The following GATAD2B variants were observed in gnomAD, a reference collection of about 807,000 sequenced individuals.
GATAD2B encodes GATA zinc finger domain containing 2B, also known as transcriptional repressor p66-beta.
GATAD2B carries 8 observed loss-of-function variants against 64.3 expected under a neutral mutation model. The observed-to-expected ratio is 0.12, with a 90% CI of 0.07 to 0.22. GATAD2B has a LOEUF of 0.22. Among genes scored for constraint, GATAD2B ranks in the 10% least tolerant of loss-of-function variants. The probability of loss-of-function intolerance (pLI) is 1.00; values close to 1 mark genes in which losing one functional copy is unlikely to be tolerated. For synonymous variants in GATAD2B, 281 were observed against 271.3 expected (o/e 1.04, Z -0.35); for missense variants, 453 against 752.0 (o/e 0.60, Z 4.65).
chr1:153,819,443 T>A (rs1389226125), intron 3 of GATAD2B, among the ~76,000 whole-genome samples, 163 bp downstream of exon 3: 1 of 152,244 alleles, frequency 6.6e-6, no homozygotes, highest in Non-Finnish European at 1.5e-5. Context: ...CTTCTAATAG[T>A]TCCTTTTGAA....
At chr1:153,863,292 C>CAA (rs1676375276) in intron 1 of GATAD2B, among the ~76,000 whole-genome samples, 1 of 151,902 alleles carries the variant, frequency 6.6e-6, no homozygotes, top group Non-Finnish European at 1.5e-5. Context: ...ACCAGCCTGG[C>CAA]AAAATGGTCT....
At chr1:153,843,154 A>C (rs1489303978) in intron 1 of GATAD2B, among the ~76,000 whole-genome samples, 3 of 146,588 alleles carry the variant, frequency 2.0e-5, no homozygotes, top group African/African-American at 7.6e-5. Flanking sequence ...TTTTTTTAAG[A>C]GACAGTATCT....
At chr1:153,835,643 A>G (rs765272323) in intron 1 of GATAD2B, among the ~76,000 whole-genome samples, 4 of 152,162 alleles carry the variant, frequency 2.6e-5, no homozygotes, top group Non-Finnish European at 5.9e-5. Context: ...TTTATTTAAG[A>G]TGTATTCATT....
Position 153,818,782 on chromosome 1 carries a change from G to A in GATAD2B, c.597+9C>T. The A allele has an allele frequency of 1.9e-6, 3 of 1,612,240 alleles. No individual in the cohort carries two copies. In the South Asian group the frequency reaches 3.3e-5, roughly 18 times the overall value. On this transcript the variant is annotated intron_variant, in intron 4 of 10. Coordinates refer to ENST00000368655, the MANE Select transcript of GATAD2B (RefSeq NM_020699.4). ...TTTCCCTTAGTCCCTTATTTCTAGG[G>A]CACATTACCTTCTGGACCACATTCT...
At chr1:153,865,803 C>T (rs907636508) in intron 1 of GATAD2B, among the ~76,000 whole-genome samples, 6 of 152,168 alleles carry the variant, frequency 3.9e-5, no homozygotes, top group Admixed American at 6.5e-5. Flanking sequence ...GTGGACATGA[C>T]AGGGAAAGAG....
chr1:153,843,436 T>C (rs1675567638), intron 1 of GATAD2B, among the ~76,000 whole-genome samples: 1 of 149,910 alleles, frequency 6.7e-6, no homozygotes, highest in Non-Finnish European at 1.5e-5. Flanking sequence ...AAGCGACATT[T>C]ACAAAAAAAA....
chr1:153,820,098 C>CA (rs201426841), intron 2 of GATAD2B, among the ~76,000 whole-genome samples: 3,566 of 62,970 alleles, frequency 0.057, 103 homozygotes, highest in Middle Eastern at 0.17. Flanking sequence ...GTTCCCGTCT[C>CA]AAAAAAAAAA....
At chr1:153,827,090 C>T (rs1301894080) in intron 2 of GATAD2B, among the ~76,000 whole-genome samples, 15 of 143,966 alleles carry the variant, frequency 1.0e-4, no homozygotes, top group Admixed American at 9.9e-4. Context: ...TATAAAAATA[C>T]AAAAATTAGA....
chr1:153,816,621 T>A lies in GATAD2B; in HGVS notation c.901-33A>T. 1 of 1,484,558 alleles carries A rather than the reference T, an allele frequency of 6.7e-7. No homozygotes were observed. Among genetic ancestry groups the A allele is most frequent in the Non-Finnish European group, 9.3e-7 (1 of 1,070,080 alleles). The allele number at this position is 1,484,558 out of a possible 1,614,324, so 92.0% of individuals were successfully genotyped here. A position where few individuals can be genotyped will look rare whatever the true frequency, so the allele number is the denominator to read the frequency against. On this transcript the variant is annotated intron_variant, in intron 6 of 10. Transcript: ENST00000368655. This position sits in a 1 kb window ranked among gnomAD's most constrained non-coding sequence, Gnocchi z 4.9. ...AGATTGAGAATGCGGTCAATCATGG[T>A]ATGCAGGAGAAAGGGCCAATTCTTA...
intron 7 of GATAD2B, among the ~76,000 whole-genome samples, chr1:153,814,912 G>A (rs980180717): frequency 9.3e-5 from 14 of 151,092 alleles, no homozygotes; most frequent in African/African-American, 3.2e-4. Flanking sequence ...GGAGGTGGAG[G>A]TTGCAGTGAG....
At chr1:153,835,026 T>C (rs1463424635) in intron 1 of GATAD2B, among the ~76,000 whole-genome samples, 1 of 151,788 alleles carries the variant, frequency 6.6e-6, no homozygotes, top group East Asian at 1.9e-4. Flanking sequence ...GGTGAGGGGA[T>C]CGCATGAGCC....
At chr1:153,895,530 C>T (rs999574054) in intron 1 of GATAD2B, among the ~76,000 whole-genome samples, 8 of 148,302 alleles carry the variant, frequency 5.4e-5, no homozygotes, top group African/African-American at 1.2e-4. Flanking sequence ...CAGTGAGCCA[C>T]GATCGTGCCA....
intron 1 of GATAD2B, among the ~76,000 whole-genome samples, chr1:153,871,768 G>A (rs915381378): frequency 2.0e-5 from 3 of 152,012 alleles, no homozygotes; most frequent in Admixed American, 2.0e-4. Context: ...ACCGTGCCCA[G>A]CCTGAATTGT....
At chr1:153,920,163 A>G (rs1678386324) in intron 1 of GATAD2B, among the ~76,000 whole-genome samples, 2 of 152,238 alleles carry the variant, frequency 1.3e-5, no homozygotes, top group African/African-American at 4.8e-5. Flanking sequence ...GAAAGGAAGA[A>G]GAATCAGTAA....
chr1:153,881,178 T>C (rs1677000582), intron 1 of GATAD2B, among the ~76,000 whole-genome samples: 1 of 152,054 alleles, frequency 6.6e-6, no homozygotes, highest in Admixed American at 6.6e-5. Context: ...TTCTCATTGC[T>C]TTGCAGCCCC....
intron 1 of GATAD2B, among the ~76,000 whole-genome samples, chr1:153,842,747 G>A (rs1270987109): frequency 6.6e-6 from 1 of 151,712 alleles, no homozygotes; most frequent in Non-Finnish European, 1.5e-5. Flanking sequence ...CCGCCTCCCG[G>A]GTTCAAGCAA....
intron 1 of GATAD2B, among the ~76,000 whole-genome samples, chr1:153,885,499 AT>A (rs1677150479): frequency 1.3e-5 from 2 of 152,030 alleles, no homozygotes; most frequent in South Asian, 4.1e-4. Flanking sequence ...AGGCAGGTGG[AT>A]CATCTGAGGT....
At chr1:153,855,848 A>C (rs1358768517) in intron 1 of GATAD2B, among the ~76,000 whole-genome samples, 1 of 151,730 alleles carries the variant, frequency 6.6e-6, no homozygotes. Context: ...ACGCCCAGCT[A>C]ATTTTTGTAT....
At chr1:153,908,082 C>T (rs1437546404) in intron 1 of GATAD2B, among the ~76,000 whole-genome samples, 1 of 152,132 alleles carries the variant, frequency 6.6e-6, no homozygotes, top group African/African-American at 2.4e-5. Flanking sequence ...GGACTACAGG[C>T]GTGAGCCATC....
Sources: gnomAD v4.1 joint callset for allele counts (sites outside exome capture counted in the v4.1 genomes callset) on GRCh38, gnomAD v4.1.1 for gene constraint, Gnocchi (gnomAD v3.1) non-coding constraint, MANE v1.5 for transcripts, NCBI Gene and HGNC (gene_info 2026-07-23, HGNC 2026-07-21) for gene names.